Variants in ADD3 observed in about 807,000 individuals in gnomAD.
The protein encoded by ADD3 is adducin 3.
In ADD3, 25 loss-of-function variants were observed where a neutral mutation model predicts 80.2. That is an observed-to-expected ratio of 0.31 (90% confidence interval 0.23 to 0.44). The LOEUF is 0.44. ADD3 is among the 20% of genes least tolerant of loss of function. ADD3 has a pLI of 1.00. For synonymous variants in ADD3, 284 were observed against 289.6 expected (o/e 0.98, Z 0.20); for missense variants, 829 against 847.5 (o/e 0.98, Z 0.27).
At chr10:110,044,705 G>A (rs1238227585) in intron 1 of ADD3, among the ~76,000 whole-genome samples, 2 of 152,242 alleles carry the variant, frequency 1.3e-5, no homozygotes, top group East Asian at 1.9e-4. Context: ...AGAGGAGGTA[G>A]CAGAGAGTCT....
intron 1 of ADD3, among the ~76,000 whole-genome samples, chr10:110,055,116 A>G (rs1245049527): frequency 6.6e-6 from 1 of 152,356 alleles, no homozygotes; most frequent in East Asian, 1.9e-4. Flanking sequence ...GTAAGTGCCC[A>G]ATAATATTAG....
chr10:110,060,951 C>T (rs1858814397), intron 1 of ADD3, among the ~76,000 whole-genome samples: 1 of 152,198 alleles, frequency 6.6e-6, no homozygotes, highest in African/African-American at 2.4e-5. Flanking sequence ...TAGATAGTGA[C>T]ATTGGGCACC....
Position 110,133,464 on chromosome 10 carries a change from A to C in ADD3, c.1967A>C (p.Glu656Ala). 3 of 1,613,936 alleles carry C rather than the reference A, an allele frequency of 1.9e-6. No individual in the cohort carries two copies. Among genetic ancestry groups the C allele is most frequent in the Non-Finnish European group, 2.5e-6 (3 of 1,179,896 alleles). Reference sequence around the variant, plus strand: ...AGGTTAAGCACAAGTACAACCATAGAAAACATCGAGATTACTATTAAGTCT... The same window carrying C: ...AGGTTAAGCACAAGTACAACCATAGCAAACATCGAGATTACTATTAAGTCT... ...VSRLSTSTTIENIEITIKSPE... is the reference protein window; with the variant it reads ...VSRLSTSTTIANIEITIKSPE... Residue 656 changes from glutamate (E) to alanine (A), a missense_variant, in exon 15 of 15, where the codon GAA becomes GCA. Coordinates refer to ENST00000356080, the MANE Select transcript of ADD3 (RefSeq NM_016824.5).
chr10:110,045,814 C>T (rs1315004361), intron 1 of ADD3, among the ~76,000 whole-genome samples: 1 of 152,150 alleles, frequency 6.6e-6, no homozygotes, highest in East Asian at 1.9e-4. Flanking sequence ...ATCATAGCTG[C>T]ATATAATTAA....
rs560051700 is a variant in ADD3, at chr10:110,026,350, C to T, written c.-30+18051C>T. On this transcript the variant is annotated intron_variant, in intron 1 of 14. Transcript: ENST00000356080. ...AGGCTAGAGTGCAGTGGCGTGATCT[C>T]GGCTCACTGCAACCTCAGCCTCCCG... Among the ~76,000 whole-genome samples, 29 of 148,498 alleles carry T rather than the reference C, an allele frequency of 2.0e-4. No individual in the cohort carries two copies. The South Asian group carries it at 5.9e-3, about 30-fold the overall frequency.
At chr10:110,057,168 T>C (rs2133456762) in intron 1 of ADD3, among the ~76,000 whole-genome samples, 1 of 152,314 alleles carries the variant, frequency 6.6e-6, no homozygotes, top group African/African-American at 2.4e-5. Context: ...ATATCAACCC[T>C]TTCTCTACCC....
chr10:110,132,810 C>A (rs978907315), intron 14 of ADD3: 7 of 162,582 alleles, frequency 4.3e-5, no homozygotes, highest in Non-Finnish European at 9.4e-5. Flanking sequence ...GCCTGTAGTC[C>A]CAGCTACTCG....
intron 2 of ADD3, among the ~76,000 whole-genome samples, chr10:110,102,269 A>C (rs753978836): frequency 1.3e-5 from 2 of 152,156 alleles, no homozygotes; most frequent in Non-Finnish European, 2.9e-5. Flanking sequence ...TTTAGATCAA[A>C]AATAGATATG....
At chr10:110,009,808 A>T (rs770474158) in intron 1 of ADD3, among the ~76,000 whole-genome samples, 6 of 152,186 alleles carry the variant, frequency 3.9e-5, no homozygotes, top group Non-Finnish European at 7.4e-5. Context: ...AAACGGGTGT[A>T]TCTATTTTGA....
At chr10:110,061,093 A>G (rs1302754077) in intron 1 of ADD3, among the ~76,000 whole-genome samples, 2 of 152,168 alleles carry the variant, frequency 1.3e-5, no homozygotes, top group Non-Finnish European at 2.9e-5. Context: ...ATTAGTGCCT[A>G]TTACTCTGAA....
At chr10:110,042,426 C>T (rs908461150) in intron 1 of ADD3, among the ~76,000 whole-genome samples, 1 of 151,994 alleles carries the variant, frequency 6.6e-6, no homozygotes, top group Non-Finnish European at 1.5e-5. Flanking sequence ...TCGTGTTTGT[C>T]GGTCAGTCTT....
At chr10:109,996,889 T>G (rs990055295) in intron 1 of ADD3, among the ~76,000 whole-genome samples, 1 of 152,256 alleles carries the variant, frequency 6.6e-6, no homozygotes, top group African/African-American at 2.4e-5. Context: ...CTGTTCAGGT[T>G]CTGCTATCAT....
At position 110,133,377 on chromosome 10, in the gene ADD3, T is replaced by C. The variant is rs1853307507; in HGVS notation, c.1880T>C (p.Met627Thr). 1.2e-6 allele frequency: 2 copies of C among 1,608,466 alleles called. No homozygotes were observed. The highest frequency in any genetic ancestry group is 1.7e-6 in the Non-Finnish European group (2 of 1,175,434). Residue 627 changes from methionine (M) to threonine (T), a missense_variant, in exon 15 of 15, where the codon ATG (methionine) becomes ACG (threonine). By Grantham distance (81) the Met-to-Thr change is moderately conservative (BLOSUM62 -1). Coordinates refer to ENST00000356080, the MANE Select transcript of ADD3 (RefSeq NM_016824.5). ...TTCATCTCCATGGAAGTGCCTGTCA[T>C]GGTAGTAAATGGCAAGGATGATATG... ...KSFISMEVPVMVVNGKDDMHD... is the reference protein window; with the variant it reads ...KSFISMEVPVTVVNGKDDMHD...
At chr10:110,068,159 T>C (rs995177275) in intron 1 of ADD3, among the ~76,000 whole-genome samples, 3 of 152,198 alleles carry the variant, frequency 2.0e-5, no homozygotes, top group Non-Finnish European at 4.4e-5. Flanking sequence ...ATGTCACCCT[T>C]GGCTCCCTAT....
Position 110,132,377 on chromosome 10 carries a change from A to C in ADD3, c.1805A>C (p.Gln602Pro), listed in dbSNP as rs1853139505. 6.2e-7 allele frequency: 1 copy of C among 1,613,136 alleles called. No homozygotes were observed. Among genetic ancestry groups the C allele is most frequent in the Non-Finnish European group, 8.5e-7 (1 of 1,179,206 alleles). Reference sequence around the variant, plus strand: ...ATTCAGTCTCAAACTCAGTCACCGCAAAATGTCCCTGAAAAATTAGAAGGT... The same window carrying C: ...ATTCAGTCTCAAACTCAGTCACCGCCAAATGTCCCTGAAAAATTAGAAGGT... Reference protein sequence around the residue: ...SQIQSQTQSPQNVPEKLEENH... With the variant: ...SQIQSQTQSPPNVPEKLEENH... Residue 602 changes from glutamine (Q) to proline (P), a missense_variant, in exon 14 of 15, where the codon CAA (glutamine) becomes CCA (proline). Transcript: ENST00000356080.
chr10:110,100,836 C>T lies in ADD3; in HGVS notation c.183C>T (p.Ile61=), dbSNP rs376781474. The part of the protein sequence containing the change: ...MMEQRKRVTQ[I]LQSPAFREDL... ...AGCAGAGGAAACGAGTTACTCAGATCCTGCAAAGTCCTGTGAGTTGAATTA... is the reference window on the plus strand; with the variant it reads ...AGCAGAGGAAACGAGTTACTCAGATTCTGCAAAGTCCTGTGAGTTGAATTA... The change falls in exon 2 of 15, where the codon ATC becomes ATT. Residue 61 remains isoleucine (I), a synonymous_variant. Coordinates refer to ENST00000356080, the MANE Select transcript of ADD3 (RefSeq NM_016824.5). 3.1e-6 allele frequency: 5 copies of T among 1,601,502 alleles called. No individual in the cohort carries two copies. The South Asian group carries it at 3.4e-5, about 11-fold the overall frequency.
chr10:110,092,364 T>C (rs563611047), intron 1 of ADD3, among the ~76,000 whole-genome samples: 11 of 152,296 alleles, frequency 7.2e-5, no homozygotes, highest in Middle Eastern at 3.4e-3. Flanking sequence ...TTGGTACATA[T>C]ATACCTTCGA....
At chr10:110,005,935 G>A (rs1270775816), upstream of ADD3, 1 of 178,554 alleles carries the variant, frequency 5.6e-6, no homozygotes, top group African/African-American at 2.4e-5. Flanking sequence ...TAATTGTAGA[G>A]TTTACTAAGT....
chr10:110,031,203 G>A (rs531344340), intron 1 of ADD3, among the ~76,000 whole-genome samples: 1 of 152,208 alleles, frequency 6.6e-6, no homozygotes, highest in Admixed American at 6.5e-5. Context: ...GAACCCGGAG[G>A]GGGAGGTTGC....
Sources: allele counts gnomAD v4.1 joint callset (sites outside exome capture counted in the v4.1 genomes callset), GRCh38; gene constraint gnomAD v4.1.1; transcripts MANE v1.5; gene names NCBI Gene and HGNC (gene_info 2026-07-23, HGNC 2026-07-21).